SESN3: variants seen among roughly 807,000 people sequenced by gnomAD.
SESN3 encodes the protein sestrin-3.
In SESN3, 21 loss-of-function variants were observed where a neutral mutation model predicts 55.3. The ratio of observed to expected loss-of-function variants is 0.38; its 90% CI spans 0.27 to 0.55. The LOEUF is 0.55. Ranked by LOEUF, SESN3 falls within the 20% of genes least tolerant of loss-of-function variation. The probability of loss-of-function intolerance (pLI) is 0.76; values close to 1 mark genes in which losing one functional copy is unlikely to be tolerated. For missense variants in SESN3, 408 were observed against 604.3 expected, an observed-to-expected ratio of 0.68 and a Z score of 3.41; for synonymous variants, 181 against 203.1, an observed-to-expected ratio of 0.89 and a Z score of 0.93.
chr11:95,176,536 T>C (rs906653357), intron 8 of SESN3, among the ~76,000 whole-genome samples: 7 of 152,260 alleles, frequency 4.6e-5, no homozygotes, highest in African/African-American at 1.7e-4. Flanking sequence ...TATAGGAACA[T>C]AGACAGTAAT....
chr11:95,226,759 G>T lies in SESN3; in HGVS notation c.78+4024C>A, dbSNP rs561739121. Among the ~76,000 whole-genome samples the T allele has an allele frequency of 2.0e-5, 3 of 152,296 alleles. No homozygotes were observed. In the East Asian group the frequency reaches 5.8e-4, roughly 29 times the overall value. On this transcript the variant is annotated intron_variant, in intron 1 of 9. Coordinates refer to ENST00000536441, the MANE Select transcript of SESN3 (RefSeq NM_144665.4). ...GCACAAGAATAATTTTGTAATGAAA[G>T]ATAATGGTGTTAGACTCCAGTTATT...
intron 8 of SESN3, 80 bp downstream of exon 8, chr11:95,177,639 C>A (rs1859982251): frequency 9.8e-7 from 1 of 1,018,996 alleles, no homozygotes; most frequent in Non-Finnish European, 1.4e-6. Context: ...GAGTCATATA[C>A]TCCCAAACAG....
At chr11:95,190,424 T>TG (rs768518734) in intron 3 of SESN3, among the ~76,000 whole-genome samples, 7 of 151,928 alleles carry the variant, frequency 4.6e-5, no homozygotes, top group African/African-American at 7.2e-5. Flanking sequence ...TCAGATGACA[T>TG]GGAAGCTCAC....
intron 7 of SESN3, 43 bp downstream of exon 7, chr11:95,178,667 T>C (rs748309808): frequency 3.4e-6 from 4 of 1,167,622 alleles, no homozygotes; most frequent in South Asian, 2.5e-5. Context: ...ACAGTTAAAA[T>C]GACAGTATGT....
In SESN3 at chr11:95,222,766, G is replaced by A. The variant is rs78013864; in HGVS notation, c.78+8017C>T. Among the ~76,000 whole-genome samples the A allele has an allele frequency of 4.4e-3, 673 of 152,264 alleles. 7 individuals are homozygous for A. The highest frequency in any genetic ancestry group is 0.015 in the African/African-American group (639 of 41,548). ...TTAGAAAAGGCTTTTTGGAAATGTC[G>A]TCAGACTTTTGAAGAACAGTCTTTC... On this transcript the variant is annotated intron_variant, in intron 1 of 9. Coordinates refer to ENST00000536441, the MANE Select transcript of SESN3 (RefSeq NM_144665.4).
intron 1 of SESN3, among the ~76,000 whole-genome samples, chr11:95,204,260 A>G (rs1445321956): frequency 6.6e-6 from 1 of 152,100 alleles, no homozygotes; most frequent in Non-Finnish European, 1.5e-5. Context: ...TGAAATTTTT[A>G]TAATTTTTTA....
intron 1 of SESN3, among the ~76,000 whole-genome samples, chr11:95,225,698 C>T (rs943855258): frequency 1.3e-5 from 2 of 152,122 alleles, no homozygotes; most frequent in Non-Finnish European, 2.9e-5. Flanking sequence ...AAGGTCAATA[C>T]ACACTTAAGT....
chr11:95,185,668 A>G (rs1860149367), intron 4 of SESN3, among the ~76,000 whole-genome samples, 176 bp from the exon 5 acceptor site: 1 of 152,122 alleles, frequency 6.6e-6, no homozygotes, highest in Admixed American at 6.6e-5. Flanking sequence ...CATTAAAACT[A>G]TCATACCTAA....
intron 1 of SESN3, among the ~76,000 whole-genome samples, chr11:95,198,608 T>C (rs887301455): frequency 6.6e-6 from 1 of 152,204 alleles, no homozygotes; most frequent in Non-Finnish European, 1.5e-5. Flanking sequence ...TAAATCTTAT[T>C]TATTTCTGTG....
chr11:95,224,140 C>T (rs921355635), intron 1 of SESN3, among the ~76,000 whole-genome samples: 1 of 152,082 alleles, frequency 6.6e-6, no homozygotes, highest in African/African-American at 2.4e-5. Flanking sequence ...CGTGAAAAAT[C>T]GAACCTGACA....
rs550136208 is a variant in SESN3, at chr11:95,175,383, A to C, written c.1392+115T>G. Reference sequence around the variant, plus strand: ...AAACCCCAGATAGCTAGATGATGCCACTTCCATGTCAATGGCTATAATTTA... The same window carrying C: ...AAACCCCAGATAGCTAGATGATGCCCCTTCCATGTCAATGGCTATAATTTA... On this transcript the variant is annotated intron_variant, in intron 9 of 9. Coordinates refer to ENST00000536441, the MANE Select transcript of SESN3 (RefSeq NM_144665.4). The C allele has an allele frequency of 3.2e-6, 3 of 937,738 alleles. No homozygotes were observed. In the Admixed American group the frequency reaches 7.3e-5, roughly 23 times the overall value. 58.1% of individuals were successfully genotyped at this position (937,738 alleles called of 1,614,324 possible). A position where few individuals can be genotyped will look rare whatever the true frequency, so the allele number is the denominator to read the frequency against.
intron 1 of SESN3, among the ~76,000 whole-genome samples, chr11:95,200,166 C>T (rs1860435519): frequency 6.6e-6 from 1 of 151,792 alleles, no homozygotes; most frequent in African/African-American, 2.4e-5. Context: ...ACAACAACGA[C>T]AAAAAAGTAG....
chr11:95,176,809 G>C (rs557347766), intron 8 of SESN3, among the ~76,000 whole-genome samples: 2 of 152,048 alleles, frequency 1.3e-5, no homozygotes, highest in African/African-American at 2.4e-5. Flanking sequence ...TAAGTAGGTA[G>C]ATATGATATA....
Position 95,191,582 on chromosome 11 carries a change from A to C in SESN3, c.164T>G (p.Val55Gly). 6.2e-7 allele frequency: 1 copy of C among 1,612,482 alleles called. No homozygotes were observed. The highest frequency in any genetic ancestry group is 8.5e-7 in the Non-Finnish European group (1 of 1,179,022). The change falls in exon 3 of 10, where the codon GTG becomes GGG. Residue 55 changes from valine to glycine, a missense_variant. By Grantham distance (109) the Val-to-Gly change is moderately radical. This residue lies in a region of SESN3 where 107 missense variants were observed against 211.3 expected (regional missense o/e 0.51). Transcript: ENST00000536441. ...PEKEVVQANTVDERTNFLVEE... is the reference protein window; with the variant it reads ...PEKEVVQANTGDERTNFLVEE... ...CACAAGAAAGTTAGTACGTTCATCCACTGTGTTTGCTTGGACAACCTTATA... is the reference window on the plus strand; with the variant it reads ...CACAAGAAAGTTAGTACGTTCATCCCCTGTGTTTGCTTGGACAACCTTATA...
chr11:95,207,705 G>A (rs1285845845), intron 1 of SESN3, among the ~76,000 whole-genome samples: 1 of 151,212 alleles, frequency 6.6e-6, no homozygotes, highest in African/African-American at 2.4e-5. Flanking sequence ...ACCAAGATTA[G>A]AAAAAGGTCT....
At chr11:95,186,971 A>G (rs991851715) in intron 4 of SESN3, among the ~76,000 whole-genome samples, 1 of 151,876 alleles carries the variant, frequency 6.6e-6, no homozygotes, top group Admixed American at 6.6e-5. Flanking sequence ...TATTTTTTAT[A>G]AGCAATTATA....
chr11:95,218,647 C>CT (rs68150878), intron 1 of SESN3, among the ~76,000 whole-genome samples: 6,656 of 122,040 alleles, frequency 0.055, 272 homozygotes, highest in African/African-American at 0.072. Context: ...GATTTACCCT[C>CT]TTTTTTTTTT....
At chr11:95,193,568 G>T (rs776358608) in intron 1 of SESN3, 46 bp from the exon 2 acceptor site, 5 of 1,062,200 alleles carry the variant, frequency 4.7e-6, no homozygotes, top group Non-Finnish European at 7.2e-6. Flanking sequence ...GACTTTCTAA[G>T]AAATGTTAAA....
rs1402187029 is a variant in SESN3 at position 95,230,822 on chromosome 11, G to C, written c.39C>G (p.Asn13Lys). 6.3e-7 allele frequency: 1 copy of C among 1,592,304 alleles called. No individual in the cohort carries two copies. Among genetic ancestry groups the C allele is most frequent in the Non-Finnish European group, 8.5e-7 (1 of 1,172,372 alleles). Residue 13 changes from asparagine (N) to lysine (K), a missense_variant, in exon 1 of 10, where the codon AAC becomes AAG. Physicochemically the swap from Asn to Lys is moderately conservative, Grantham distance 94. Coordinates refer to ENST00000536441, the MANE Select transcript of SESN3 (RefSeq NM_144665.4). The surrounding 1 kb of genome is among the most constrained non-coding windows in gnomAD (Gnocchi z 4.6). ...RGGGSPSAAA[N>K]YLLCTNCRKV... Reference sequence around the variant, plus strand: ...TCCGGCAGTTGGTACAGAGCAGGTAGTTGGCGGCGGCCGACGGGCTGCCGC... The same window carrying C: ...TCCGGCAGTTGGTACAGAGCAGGTACTTGGCGGCGGCCGACGGGCTGCCGC...
Sources: allele counts gnomAD v4.1 joint callset (sites outside exome capture counted in the v4.1 genomes callset), GRCh38; gene constraint gnomAD v4.1.1; regional missense constraint gnomAD v4.1.1; non-coding constraint Gnocchi (gnomAD v3.1); transcripts MANE v1.5; gene names NCBI Gene and HGNC (gene_info 2026-07-23, HGNC 2026-07-21).